Variants in VWA3B observed in about 807,000 individuals in gnomAD.
The protein encoded by VWA3B is von Willebrand factor A domain-containing protein 3B.
VWA3B carries 138 observed loss-of-function variants against 158.3 expected under a neutral mutation model. That is an observed-to-expected ratio of 0.87 (90% CI 0.76 to 1.00). The LOEUF is 1.00. VWA3B is among the 50% of genes least tolerant of loss of function. VWA3B has a pLI of 0.00. For synonymous variants in VWA3B, 596 were observed against 587.3 expected (o/e 1.01, Z -0.21); for missense variants, 1,555 against 1,565.1 (o/e 0.99, Z 0.11).
At chr2:98,308,561 G>A (rs1252542813) in intron 26 of VWA3B, among the ~76,000 whole-genome samples, 1 of 152,222 alleles carries the variant, frequency 6.6e-6, no homozygotes. Context: ...CCAGGGCAGG[G>A]GACTCACAGA....
chr2:98,160,423 G>T (rs756937747), intron 7 of VWA3B, among the ~76,000 whole-genome samples: 2 of 152,016 alleles, frequency 1.3e-5, no homozygotes, highest in African/African-American at 2.4e-5. Flanking sequence ...GCTTCATCAC[G>T]ATCACTAGAC....
At chr2:98,283,671 A>T (rs1689008940) in intron 22 of VWA3B, among the ~76,000 whole-genome samples, 1 of 152,236 alleles carries the variant, frequency 6.6e-6, no homozygotes, top group South Asian at 2.1e-4. Flanking sequence ...ACTGCCAGCA[A>T]GGGTAGCAGG....
At chr2:98,214,775 A>C (rs897210038) in intron 13 of VWA3B, among the ~76,000 whole-genome samples, 2 of 152,152 alleles carry the variant, frequency 1.3e-5, no homozygotes, top group African/African-American at 4.8e-5. Context: ...GCAGATACGC[A>C]GTCGGATTGT....
At chr2:98,179,660 TTTTCTCTTTCTTTTCTTTC>T (rs967787323) in intron 8 of VWA3B, among the ~76,000 whole-genome samples, 3 of 152,132 alleles carry the variant, frequency 2.0e-5, no homozygotes, top group African/African-American at 7.2e-5. Flanking sequence ...TCTTTCTCTT[TTTTCTCTTTCTTTTCTTTC>T]TTTCTTTCTC....
chr2:98,294,716 A>T (rs542909708), intron 23 of VWA3B, among the ~76,000 whole-genome samples: 151 of 152,328 alleles, frequency 9.9e-4, no homozygotes, highest in African/African-American at 3.3e-3. Flanking sequence ...CCATAAGAAG[A>T]AGTTGTCATG....
chr2:98,276,414 A>G (rs1372964056), intron 22 of VWA3B, among the ~76,000 whole-genome samples: 1 of 152,212 alleles, frequency 6.6e-6, no homozygotes, highest in Non-Finnish European at 1.5e-5. Flanking sequence ...CCTGATTTAT[A>G]TGTAAATACA....
At chr2:98,147,940 A>G (rs978037344) in intron 7 of VWA3B, among the ~76,000 whole-genome samples, 1 of 138,880 alleles carries the variant, frequency 7.2e-6, no homozygotes, top group Non-Finnish European at 1.5e-5. Context: ...TCAGTTCCCT[A>G]TGAGTGAGAA....
At chr2:98,284,716 G>A (rs1382526884) in intron 22 of VWA3B, among the ~76,000 whole-genome samples, 1 of 152,170 alleles carries the variant, frequency 6.6e-6, no homozygotes, top group Non-Finnish European at 1.5e-5. Flanking sequence ...GCATTTGATG[G>A]TCTGAAAAGA....
intron 12 of VWA3B, among the ~76,000 whole-genome samples, chr2:98,203,734 T>C (rs144037174): frequency 4.4e-4 from 67 of 152,376 alleles, no homozygotes; most frequent in African/African-American, 1.6e-3. Context: ...TTGTTGTCAG[T>C]GTGTAGAAAC....
chr2:98,294,704 T>C (rs980444975), intron 23 of VWA3B, among the ~76,000 whole-genome samples: 3 of 152,240 alleles, frequency 2.0e-5, no homozygotes, highest in Admixed American at 6.5e-5. Flanking sequence ...TTCTGCACTA[T>C]GCCATAAGAA....
rs1036508363 is a variant in VWA3B, at chr2:98,198,554, A to G, written c.1737+4062A>G. On this transcript the variant is annotated intron_variant, in intron 12 of 27. Transcript: ENST00000477737. Reference sequence around the variant, plus strand: ...TATTTTAATTTGCATGCAGTAAAAAAAAAAACACTCTTTTTGGTGATAGTT... The same window carrying G: ...TATTTTAATTTGCATGCAGTAAAAAGAAAAACACTCTTTTTGGTGATAGTT... 1.1e-4 allele frequency among the ~76,000 whole-genome samples: 16 copies of G among 152,254 alleles called. No individual in the cohort carries two copies. In the East Asian group the frequency reaches 2.7e-3, roughly 26 times the overall value.
chr2:98,159,736 G>T (rs141041849), intron 7 of VWA3B, among the ~76,000 whole-genome samples: 6 of 152,002 alleles, frequency 3.9e-5, no homozygotes, highest in African/African-American at 1.4e-4. Context: ...TACAGCTTTG[G>T]TTGGGCACGG....
chr2:98,325,722 A>G, the VWA3B span, among the ~76,000 whole-genome samples: 3 of 152,188 alleles, frequency 2.0e-5, no homozygotes, highest in Admixed American at 2.0e-4. Context: ...GAACACGTGG[A>G]GGGGTGAATG....
intron 2 of VWA3B, among the ~76,000 whole-genome samples, chr2:98,103,808 A>G (rs1237046512): frequency 5.9e-5 from 9 of 152,134 alleles, no homozygotes; most frequent in Non-Finnish European, 1.3e-4. Flanking sequence ...GAGAAAAATT[A>G]TATATATTTA....
chr2:98,329,107 G>A, the VWA3B span, among the ~76,000 whole-genome samples: 2 of 152,130 alleles, frequency 1.3e-5, no homozygotes, highest in East Asian at 3.9e-4. Flanking sequence ...TTCAACAAAT[G>A]ATAATTAGAA....
chr2:98,188,282 T>G (rs1681290400), intron 10 of VWA3B, among the ~76,000 whole-genome samples, 153 bp downstream of exon 10: 1 of 152,222 alleles, frequency 6.6e-6, no homozygotes, highest in Non-Finnish European at 1.5e-5. Context: ...GTGTATACAA[T>G]GTACAAAGAT....
chr2:98,218,258 C>T (rs999729082), intron 14 of VWA3B, among the ~76,000 whole-genome samples: 2 of 152,156 alleles, frequency 1.3e-5, no homozygotes, highest in African/African-American at 4.8e-5. Flanking sequence ...GATGCTAAAG[C>T]AGGTTGTAGG....
In VWA3B at chr2:98,312,406, C is replaced by G. The variant is rs886660544; in HGVS notation, c.*57C>G. ...CAGCGTCCTTCCAGGCTGTTCAGACCTCAGCGTTGACACTGAAACTGGCCC... is the reference window on the plus strand; with the variant it reads ...CAGCGTCCTTCCAGGCTGTTCAGACGTCAGCGTTGACACTGAAACTGGCCC... On this transcript the variant is annotated 3_prime_UTR_variant, in exon 28 of 28. Transcript: ENST00000477737. The G allele has an allele frequency of 6.5e-7, 1 of 1,546,596 alleles. No homozygotes were observed. The highest frequency in any genetic ancestry group is 1.4e-5 in the African/African-American group (1 of 73,338).
intron 12 of VWA3B, among the ~76,000 whole-genome samples, chr2:98,195,989 A>G (rs183675998): frequency 6.6e-6 from 1 of 152,344 alleles, no homozygotes; most frequent in Admixed American, 6.5e-5. Context: ...GGAGGACATT[A>G]TATTAAGTAA....
Sources: gnomAD v4.1 joint callset for allele counts (sites outside exome capture counted in the v4.1 genomes callset) on GRCh38, gnomAD v4.1.1 for gene constraint, MANE v1.5 for transcripts, NCBI Gene and HGNC (gene_info 2026-07-23, HGNC 2026-07-21) for gene names.